Variants in RPA3 observed in about 807,000 individuals in gnomAD.
RPA3 encodes replication protein A 14 kDa subunit.
Under a neutral mutation model 13.7 loss-of-function variants are expected in RPA3, and 24 were observed. The ratio of observed to expected loss-of-function variants is 1.75; its 90% CI spans 1.27 to 2.46. RPA3 has a LOEUF of 2.46. RPA3 is among the 30% of genes most tolerant of loss of function. The probability of loss-of-function intolerance (pLI) is 0.00; values close to 1 mark genes in which losing one functional copy is unlikely to be tolerated. For synonymous variants in RPA3, 59 were observed against 51.2 expected, an observed-to-expected ratio of 1.15 and a Z score of -0.65; for missense variants, 183 against 151.0, an observed-to-expected ratio of 1.21 and a Z score of -1.11.
chr7:7,709,494 G>A (rs956414136), intron 2 of RPA3, among the ~76,000 whole-genome samples: 2 of 152,166 alleles, frequency 1.3e-5, no homozygotes, highest in African/African-American at 4.8e-5. Flanking sequence ...GGAACTGTGT[G>A]GAGAGAAGGT....
chr7:7,693,406 C>T (rs940051269), intron 2 of RPA3, among the ~76,000 whole-genome samples: 4 of 152,022 alleles, frequency 2.6e-5, no homozygotes, highest in Admixed American at 6.6e-5. Flanking sequence ...TCCCTTCATT[C>T]TGCAATAGCT....
intron 4 of RPA3, among the ~76,000 whole-genome samples, chr7:7,659,585 G>A (rs1284045811): frequency 6.6e-6 from 1 of 152,174 alleles, no homozygotes; most frequent in Non-Finnish European, 1.5e-5. Flanking sequence ...ACAGGAGCAG[G>A]TTGTTCAGTT....
chr7:7,660,130 G>GT (rs966788068), intron 4 of RPA3, among the ~76,000 whole-genome samples: 47 of 151,962 alleles, frequency 3.1e-4, no homozygotes, highest in Non-Finnish European at 6.3e-4. Flanking sequence ...AAACCCTGCT[G>GT]TTTTTTGCTT....
At chr7:7,672,967 C>G (rs1779644575) in intron 4 of RPA3, among the ~76,000 whole-genome samples, 1 of 152,158 alleles carries the variant, frequency 6.6e-6, no homozygotes, top group Non-Finnish European at 1.5e-5. Flanking sequence ...TTTTTCCTAT[C>G]ACCCAAACCA....
At chr7:7,648,107 A>G (rs1418208052) in intron 4 of RPA3, among the ~76,000 whole-genome samples, 1 of 152,200 alleles carries the variant, frequency 6.6e-6, no homozygotes, top group African/African-American at 2.4e-5. Flanking sequence ...GAAGGTAAAA[A>G]CAGGCTGATA....
Position 7,637,161 on chromosome 7 carries a change from T to C in RPA3, c.284-79A>G, listed in dbSNP as rs1467564908. 3.8e-6 allele frequency: 4 copies of C among 1,051,784 alleles called. No individual in the cohort carries two copies. In the Admixed American group the frequency reaches 7.4e-5, roughly 20 times the overall value. 65.2% of individuals were successfully genotyped at this position (1,051,784 alleles called of 1,614,324 possible). ...AATTATTATCTAAGATATTTTTACC[T>C]ATTTCCTTTTTCTCACCCTTTTGGA... On this transcript the variant is annotated intron_variant, in intron 7 of 7. Transcript: ENST00000223129.
At chr7:7,712,779 A>G (rs1283383357) in intron 2 of RPA3, among the ~76,000 whole-genome samples, 1 of 152,206 alleles carries the variant, frequency 6.6e-6, no homozygotes, top group African/African-American at 2.4e-5. Context: ...TAATGTTTGC[A>G]ATTGTGAACT....
At chr7:7,646,081 C>G (rs1163594776) in intron 4 of RPA3, among the ~76,000 whole-genome samples, 1 of 152,062 alleles carries the variant, frequency 6.6e-6, no homozygotes, top group Non-Finnish European at 1.5e-5. Context: ...TGTCTAGGGG[C>G]GTTACAGTGC....
chr7:7,651,219 G>A (rs1785216766), intron 4 of RPA3, among the ~76,000 whole-genome samples: 1 of 152,188 alleles, frequency 6.6e-6, no homozygotes, highest in Non-Finnish European at 1.5e-5. Flanking sequence ...AAACCAGAAA[G>A]GACAAGGATC....
chr7:7,650,822 G>A (rs905419412), intron 4 of RPA3, among the ~76,000 whole-genome samples: 12 of 152,086 alleles, frequency 7.9e-5, no homozygotes, highest in African/African-American at 2.9e-4. Flanking sequence ...AAACTCCTTG[G>A]CATGGCATAT....
At chr7:7,666,858 T>G (rs1207527316) in intron 4 of RPA3, among the ~76,000 whole-genome samples, 3 of 152,120 alleles carry the variant, frequency 2.0e-5, no homozygotes, top group Non-Finnish European at 4.4e-5. Context: ...CAGGCTGGAG[T>G]GCAATGGTGG....
At chr7:7,685,152 A>G (rs984942276) in intron 4 of RPA3, among the ~76,000 whole-genome samples, 2 of 152,164 alleles carry the variant, frequency 1.3e-5, no homozygotes, top group African/African-American at 4.8e-5. Flanking sequence ...TGAGTAATTC[A>G]TATAGGGTTG....
rs576956619 is a variant in RPA3, at chr7:7,701,371, A to G, written c.-1028+13804T>C. ...CAGTTTTTGCATTTGCTAGAAGAAA[A>G]CAAAGCACACTACAGACAATCTATG... On this transcript the variant is annotated intron_variant, in intron 2 of 7. Coordinates refer to ENST00000223129, the MANE Select transcript of RPA3 (RefSeq NM_002947.5). Among the ~76,000 whole-genome samples, 4 of 151,916 alleles carry G rather than the reference A, an allele frequency of 2.6e-5. No individual in the cohort carries two copies. The East Asian group carries it at 7.7e-4, about 29-fold the overall frequency.
intron 2 of RPA3, among the ~76,000 whole-genome samples, chr7:7,694,021 T>C (rs1780244456): frequency 6.6e-6 from 1 of 152,196 alleles, no homozygotes; most frequent in Admixed American, 6.5e-5. Flanking sequence ...ATAAGGCAAC[T>C]GAGTTTTTTT....
At chr7:7,654,362 G>A (rs1330364941) in intron 4 of RPA3, among the ~76,000 whole-genome samples, 2 of 152,186 alleles carry the variant, frequency 1.3e-5, no homozygotes, top group Non-Finnish European at 1.5e-5. Context: ...ATTTTCTTAG[G>A]TGAAGTTGTT....
At chr7:7,664,806 A>G (rs1050858030) in intron 4 of RPA3, among the ~76,000 whole-genome samples, 1 of 152,204 alleles carries the variant, frequency 6.6e-6, no homozygotes. Flanking sequence ...AGCATGGCCT[A>G]CCTTCCTCTG....
Sources: allele counts gnomAD v4.1 joint callset (sites outside exome capture counted in the v4.1 genomes callset), GRCh38; gene constraint gnomAD v4.1.1; transcripts MANE v1.5; gene names NCBI Gene and HGNC (gene_info 2026-07-23, HGNC 2026-07-21).